The following CDK17 variants were observed in gnomAD, a reference collection of about 807,000 sequenced individuals.
CDK17 encodes the protein cyclin dependent kinase 17, also known as cyclin-dependent kinase 17.
A neutral mutation model predicts 77.6 loss-of-function variants in CDK17; 24 were observed. That is an observed-to-expected ratio of 0.31 (90% confidence interval 0.22 to 0.44). The LOEUF is 0.44. Among genes scored for constraint, CDK17 ranks in the 20% least tolerant of loss-of-function variants. The probability of loss-of-function intolerance (pLI) is 1.00; values close to 1 mark genes in which losing one functional copy is unlikely to be tolerated. For synonymous variants in CDK17, 203 were observed against 210.4 expected, an observed-to-expected ratio of 0.96 and a Z score of 0.30; for missense variants, 429 against 622.5, an observed-to-expected ratio of 0.69 and a Z score of 3.31.
At chr12:96,358,428 T>C (rs1953439218) in intron 1 of CDK17, among the ~76,000 whole-genome samples, 1 of 108,934 alleles carries the variant, frequency 9.2e-6, no homozygotes, top group African/African-American at 3.5e-5. Flanking sequence ...AACAATAGCA[T>C]AATTAAAAAG....
intron 1 of CDK17, among the ~76,000 whole-genome samples, chr12:96,368,765 A>ATTCCTTGG (rs1411580501): frequency 7.4e-6 from 1 of 134,556 alleles, no homozygotes; most frequent in East Asian, 2.6e-4. Context: ...GCATCAGCTG[A>ATTCCTTGG]TTCCTTGGAA....
At chr12:96,320,245 T>G (rs1417558017) in intron 3 of CDK17, among the ~76,000 whole-genome samples, 1 of 145,910 alleles carries the variant, frequency 6.9e-6, no homozygotes, top group African/African-American at 2.5e-5. Flanking sequence ...GAATCCAACT[T>G]ACAAGGGATG....
intron 1 of CDK17, among the ~76,000 whole-genome samples, chr12:96,342,756 G>C (rs765268072): frequency 3.3e-5 from 5 of 152,022 alleles, no homozygotes; most frequent in Non-Finnish European, 7.4e-5. Flanking sequence ...CCTGAGGTTG[G>C]GAGTTCAAGA....
At chr12:96,395,607 A>T (rs1455895795) in intron 1 of CDK17, among the ~76,000 whole-genome samples, 4 of 152,214 alleles carry the variant, frequency 2.6e-5, no homozygotes, top group Non-Finnish European at 5.9e-5. Context: ...TTTCTTTCAC[A>T]AAGTTTATGT....
At chr12:96,344,417 CA>C (rs139782073) in intron 1 of CDK17, among the ~76,000 whole-genome samples, 1 of 152,146 alleles carries the variant, frequency 6.6e-6, no homozygotes, top group Non-Finnish European at 1.5e-5. Context: ...TGTAGAAACC[CA>C]AAGACAAATA....
intron 1 of CDK17, among the ~76,000 whole-genome samples, chr12:96,376,386 C>T (rs1953782733): frequency 6.6e-6 from 1 of 152,214 alleles, no homozygotes; most frequent in South Asian, 2.1e-4. Flanking sequence ...GACTCCAAAA[C>T]ATCAATAATA....
chr12:96,384,635 T>A (rs1953941681), intron 1 of CDK17, among the ~76,000 whole-genome samples: 1 of 152,214 alleles, frequency 6.6e-6, no homozygotes, highest in Admixed American at 6.5e-5. Flanking sequence ...GAGACCATTA[T>A]CCTCAGTGAA....
At chr12:96,319,554 A>T (rs1231498519) in intron 3 of CDK17, among the ~76,000 whole-genome samples, 3 of 143,106 alleles carry the variant, frequency 2.1e-5, no homozygotes, top group Non-Finnish European at 4.6e-5. Context: ...TCCTCAATAA[A>T]ATACTGGCAA....
intron 5 of CDK17, among the ~76,000 whole-genome samples, chr12:96,308,248 A>AAAAAAAAAAAAAAAAAAAAC: frequency 6.7e-6 from 1 of 148,360 alleles, no homozygotes; most frequent in Non-Finnish European, 1.5e-5. Flanking sequence ...AAAAAAAAAA[A>AAAAAAAAAAAAAAAAAAAAC]AAAAGTTTTT....
At chr12:96,299,105 A>G (rs1330983609) in intron 6 of CDK17, 122 bp from the exon 7 acceptor site, 4 of 561,926 alleles carry the variant, frequency 7.1e-6, no homozygotes, top group Non-Finnish European at 1.2e-5. Flanking sequence ...TCCATCTTGC[A>G]AAGAAAAACA....
intron 3 of CDK17, among the ~76,000 whole-genome samples, chr12:96,322,951 C>G (rs1276355141): frequency 2.0e-5 from 3 of 152,048 alleles, no homozygotes; most frequent in South Asian, 4.1e-4. Flanking sequence ...ATATGCAGTT[C>G]TCACAGAAAA....
chr12:96,335,402 A>G (rs1298488269), intron 1 of CDK17, among the ~76,000 whole-genome samples: 1 of 152,214 alleles, frequency 6.6e-6, no homozygotes, highest in Non-Finnish European at 1.5e-5. Context: ...TTAGGCTTTC[A>G]AGTGTCTCTT....
At position 96,366,212 on chromosome 12, in the gene CDK17, A is replaced by C. The variant is rs1953580640; in HGVS notation, c.-29-31347T>G. Among the ~76,000 whole-genome samples, 3 of 152,334 alleles carry C rather than the reference A, an allele frequency of 2.0e-5. No homozygotes were observed. In the South Asian group the frequency reaches 6.2e-4, roughly 32 times the overall value. On this transcript the variant is annotated intron_variant, in intron 1 of 16. Coordinates refer to ENST00000261211, the MANE Select transcript of CDK17 (RefSeq NM_002595.5). ...GATATCAAGTTATTTAAAATTATTA[A>C]CAAACTCTTTTTGAGAACAGTACTG...
At chr12:96,354,698 T>A (rs147674341) in intron 1 of CDK17, among the ~76,000 whole-genome samples, 1 of 151,980 alleles carries the variant, frequency 6.6e-6, no homozygotes, top group Non-Finnish European at 1.5e-5. Context: ...CTTGGCAACA[T>A]AGTGAGACCC....
intron 3 of CDK17, among the ~76,000 whole-genome samples, chr12:96,316,568 T>C (rs1952722992): frequency 6.8e-6 from 1 of 147,324 alleles, no homozygotes; most frequent in Non-Finnish European, 1.5e-5. Flanking sequence ...CTGACAGCTT[T>C]GAAGAGAGCA....
Position 96,323,275 on chromosome 12 carries a change from A to AAAC in CDK17, c.283+672_283+673insGTT, listed in dbSNP as rs1392296690. On this transcript the variant is annotated intron_variant, in intron 3 of 16. Transcript: ENST00000261211. ...CAGTGAGACCCCGTCTTCTAAAAAAAAAAAAAAAACAAAAACAAACAAACA... is the reference window on the plus strand; with the variant it reads ...CAGTGAGACCCCGTCTTCTAAAAAAAAACAAAAAAAAACAAAAACAAACAAACA... Among the ~76,000 whole-genome samples the AAAC allele has an allele frequency of 9.1e-5, 11 of 121,520 alleles. No individual in the cohort carries two copies. The East Asian group carries it at 5.2e-3, about 57-fold the overall frequency. The allele number at this position is 121,520 out of a possible 152,430, so 79.7% of individuals were successfully genotyped here.
rs1186448676 is a variant in CDK17, at chr12:96,345,592, TCTG to T, written c.-29-10730_-29-10728del. ...CTTAAAAGGTAAAAAAAATTATAAA[TCTG>T]CTGCTGGGCACATAAAATATAAAAA... On this transcript the variant is annotated intron_variant, in intron 1 of 16. Transcript: ENST00000261211. Among the ~76,000 whole-genome samples, 4 of 152,326 alleles carry T rather than the reference TCTG, an allele frequency of 2.6e-5. No homozygotes were observed. In the East Asian group the frequency reaches 5.8e-4, roughly 22 times the overall value.
intron 1 of CDK17, among the ~76,000 whole-genome samples, chr12:96,346,454 A>AAAAT (rs139515890): frequency 8.0e-5 from 12 of 150,466 alleles, no homozygotes; most frequent in African/African-American, 2.9e-4. Flanking sequence ...TCTATCTCAA[A>AAAAT]AAATAAATAA....
intron 1 of CDK17, among the ~76,000 whole-genome samples, chr12:96,368,816 G>GGGGA (rs1565838949): frequency 1.1e-5 from 1 of 90,688 alleles, no homozygotes; most frequent in Non-Finnish European, 2.4e-5. Flanking sequence ...CGGGGGGGGG[G>GGGGA]GGGGGGGGCA....
Sources: gnomAD v4.1 joint callset for allele counts (sites outside exome capture counted in the v4.1 genomes callset) on GRCh38, gnomAD v4.1.1 for gene constraint, MANE v1.5 for transcripts, NCBI Gene and HGNC (gene_info 2026-07-23, HGNC 2026-07-21) for gene names.